Variants in PCDHA3 observed in about 807,000 individuals in gnomAD.
PCDHA3 encodes protocadherin alpha-3.
PCDHA3 carries 41 observed loss-of-function variants against 62.2 expected under a neutral mutation model. The ratio of observed to expected loss-of-function variants is 0.66; its 90% CI spans 0.51 to 0.86. The LOEUF (loss-of-function observed/expected upper bound fraction) is 0.86, where lower values mean the gene tolerates loss of function less well. Among genes scored for constraint, PCDHA3 ranks in the 40% least tolerant of loss-of-function variants. The pLI is 0.00. For synonymous variants in PCDHA3, 640 were observed against 555.4 expected (o/e 1.15, Z -2.14); for missense variants, 1,304 against 1,241.2 (o/e 1.05, Z -0.76).
chr5:140,979,604 A>T (rs1326370777), intron 2 of PCDHA3, among the ~76,000 whole-genome samples: 1 of 152,204 alleles, frequency 6.6e-6, no homozygotes, highest in African/African-American at 2.4e-5. Context: ...AAATTAACCT[A>T]GAGTAACGGT....
At chr5:140,918,943 T>C (rs1554198839) in intron 1 of PCDHA3, among the ~76,000 whole-genome samples, 1 of 152,220 alleles carries the variant, frequency 6.6e-6, no homozygotes, top group Non-Finnish European at 1.5e-5. Context: ...TGTTATAATA[T>C]CCTGAACAGA....
At chr5:140,869,666 A>G (rs2051321419) in intron 1 of PCDHA3, 1 of 1,613,524 alleles carries the variant, frequency 6.2e-7, no homozygotes, top group East Asian at 2.2e-5. Context: ...AATGGTAAGC[A>G]GATTAAAAGA....
chr5:140,922,898 T>A (rs916788135), intron 1 of PCDHA3, among the ~76,000 whole-genome samples: 2 of 152,022 alleles, frequency 1.3e-5, no homozygotes, highest in African/African-American at 4.8e-5. Flanking sequence ...CAAGAAAAAA[T>A]TTTGAGATAC....
intron 3 of PCDHA3, among the ~76,000 whole-genome samples, chr5:141,000,415 A>ATTT (rs1563651650): frequency 1.1e-5 from 1 of 87,398 alleles, no homozygotes; most frequent in South Asian, 4.0e-4. Flanking sequence ...ATATATATAT[A>ATTT]TATATATTTT....
chr5:140,968,744 G>A (rs782484391), intron 1 of PCDHA3: 20 of 1,614,164 alleles, frequency 1.2e-5, no homozygotes, highest in East Asian at 2.2e-5. Context: ...CAACCTGACC[G>A]TGGTGGTCCG....
chr5:140,972,479 C>G (rs782631191), intron 1 of PCDHA3, among the ~76,000 whole-genome samples: 1 of 151,994 alleles, frequency 6.6e-6, no homozygotes, highest in Non-Finnish European at 1.5e-5. Flanking sequence ...CAGCATTTAA[C>G]CCCAGACTCT....
intron 1 of PCDHA3, chr5:140,882,358 G>T (rs1554173779): frequency 3.7e-6 from 6 of 1,614,232 alleles, no homozygotes; most frequent in Middle Eastern, 1.7e-4. Flanking sequence ...GTAGTGGCCA[G>T]CTCCACTACT....
rs564426882 is a variant in PCDHA3, at chr5:140,801,419, T to G, written c.222T>G (p.Leu74=). 13 of 1,613,802 alleles carry G rather than the reference T, an allele frequency of 8.1e-6. No homozygotes were observed. In the South Asian group the frequency reaches 1.4e-4, roughly 18 times the overall value. The stretch of plus-strand genomic sequence containing the variant: ...TGGCGTCCAAAAGACACGGGGACCT[T>G]CTGGAGGTAAATCTGCAGAATGGCA... ...FRVASKRHGD[L]LEVNLQNGIL... Residue 74 remains leucine (L), a synonymous_variant, in exon 1 of 4, where the codon CTT becomes CTG. Transcript: ENST00000522353.
At chr5:140,975,486 A>G (rs1260336572) in intron 1 of PCDHA3, among the ~76,000 whole-genome samples, 4 of 152,228 alleles carry the variant, frequency 2.6e-5, no homozygotes, top group African/African-American at 4.8e-5. Flanking sequence ...GTTTATATCA[A>G]TGTTCATAAA....
At chr5:140,887,333 T>A (rs1214047567) in intron 1 of PCDHA3, among the ~76,000 whole-genome samples, 1 of 152,174 alleles carries the variant, frequency 6.6e-6, no homozygotes, top group African/African-American at 2.4e-5. Context: ...CCTGACCTCG[T>A]GATCCACCTG....
chr5:140,835,824 G>T, intron 1 of PCDHA3: 1 of 1,612,592 alleles, frequency 6.2e-7, no homozygotes, highest in Non-Finnish European at 8.5e-7. Context: ...GTCGGCGGGG[G>T]ACGCGGACGC....
At chr5:140,897,518 T>A (rs2066160092) in intron 1 of PCDHA3, among the ~76,000 whole-genome samples, 2 of 152,260 alleles carry the variant, frequency 1.3e-5, no homozygotes, top group Admixed American at 1.3e-4. Context: ...GGACATGAAC[T>A]CATCATTTTT....
At chr5:140,856,128 G>C in intron 1 of PCDHA3, 1 of 1,598,140 alleles carries the variant, frequency 6.3e-7, no homozygotes, top group Non-Finnish European at 8.6e-7. Context: ...GAGGTGGGGA[G>C]CGGCCAGCTC....
chr5:140,856,041 A>T lies in PCDHA3; in HGVS notation c.2394+52450A>T, dbSNP rs797043647. Reference sequence around the variant, plus strand: ...ATTCGTCGATTTGTAAAACAAGAGAAGGATAAGATGGTTTCCAGATGTAGC... The same window carrying T: ...ATTCGTCGATTTGTAAAACAAGAGATGGATAAGATGGTTTCCAGATGTAGC... On this transcript the variant is annotated intron_variant, in intron 1 of 3. Coordinates refer to ENST00000522353, the MANE Select transcript of PCDHA3 (RefSeq NM_018906.3). 1.9e-6 allele frequency: 3 copies of T among 1,569,530 alleles called. No individual in the cohort carries two copies. The African/African-American group carries it at 4.1e-5, about 21-fold the overall frequency.
rs59860837 is a variant in PCDHA3 at position 141,005,701 on chromosome 5, C to CAAAAA, written c.2543-3900_2543-3896dup. 5.2e-3 allele frequency among the ~76,000 whole-genome samples: 40 copies of CAAAAA among 7,764 alleles called. 2 individuals are homozygous for CAAAAA. Among genetic ancestry groups the CAAAAA allele is most frequent in the East Asian group, 0.013 (4 of 312 alleles). The allele number at this position is 7,764 out of a possible 152,430, so 5.1% of individuals were successfully genotyped here. On this transcript the variant is annotated intron_variant, in intron 3 of 3. Coordinates refer to ENST00000522353, the MANE Select transcript of PCDHA3 (RefSeq NM_018906.3). ...TGGGCGACAGAGCGAAACTCCGTCT[C>CAAAAA]AAAAAAAAAAAAAAAAAAAAAAAAA...
intron 3 of PCDHA3, among the ~76,000 whole-genome samples, chr5:140,990,557 A>G (rs782726055): frequency 2.0e-5 from 3 of 152,166 alleles, no homozygotes; most frequent in Non-Finnish European, 4.4e-5. Flanking sequence ...TTACCCAAGA[A>G]CACACACCTG....
chr5:140,835,664 G>C, intron 1 of PCDHA3: 7 of 1,613,934 alleles, frequency 4.3e-6, no homozygotes, highest in Non-Finnish European at 5.9e-6. Flanking sequence ...TGGTTACCGC[G>C]CGGGACGGGG....
intron 1 of PCDHA3, chr5:140,851,337 C>T (rs2042031356): frequency 2.0e-6 from 2 of 978,912 alleles, no homozygotes; most frequent in African/African-American, 1.7e-5. Flanking sequence ...TAGTTCTCTA[C>T]ATTTCTCTGG....
intron 1 of PCDHA3, among the ~76,000 whole-genome samples, chr5:140,894,634 T>C (rs1412183022): frequency 1.3e-5 from 2 of 151,970 alleles, no homozygotes; most frequent in Non-Finnish European, 2.9e-5. Flanking sequence ...TCCAATCATA[T>C]CATTACTGAG....
Sources: gnomAD v4.1 joint callset for allele counts (sites outside exome capture counted in the v4.1 genomes callset) on GRCh38, gnomAD v4.1.1 for gene constraint, MANE v1.5 for transcripts, NCBI Gene and HGNC (gene_info 2026-07-23, HGNC 2026-07-21) for gene names.